The following BDH2 variants were observed in gnomAD, a reference collection of about 807,000 sequenced individuals.
BDH2 encodes the protein 3-hydroxybutyrate dehydrogenase 2, also known as dehydrogenase/reductase SDR family member 6.
In BDH2, 24 loss-of-function variants were observed where a neutral mutation model predicts 33.2. The ratio of observed to expected loss-of-function variants is 0.72; its 90% confidence interval spans 0.52 to 1.02. The LOEUF (loss-of-function observed/expected upper bound fraction) is 1.02, where lower values mean the gene tolerates loss of function less well. Ranked by LOEUF, BDH2 falls within the 50% of genes least tolerant of loss-of-function variation. The probability of loss-of-function intolerance (pLI) is 0.00; values close to 1 mark genes in which losing one functional copy is unlikely to be tolerated. For missense variants in BDH2, 249 were observed against 301.6 expected (o/e 0.83, Z 1.29); for synonymous variants, 81 against 101.6 (o/e 0.80, Z 1.22).
chr4:103,090,744 C>T (rs1247445705), intron 5 of BDH2, among the ~76,000 whole-genome samples: 4 of 152,222 alleles, frequency 2.6e-5, no homozygotes, highest in African/African-American at 4.8e-5. Context: ...TGTCTCACTT[C>T]TTGGACTGCT....
intron 6 of BDH2, 147 bp downstream of exon 6, chr4:103,086,333 G>A: frequency 2.2e-6 from 3 of 1,346,918 alleles, no homozygotes; most frequent in Middle Eastern, 2.1e-4. Flanking sequence ...CTGTGGTTAA[G>A]GAACTTAATA....
At chr4:103,085,047 T>C (rs555968501) in intron 7 of BDH2, among the ~76,000 whole-genome samples, 14 of 152,352 alleles carry the variant, frequency 9.2e-5, no homozygotes, top group African/African-American at 3.4e-4. Context: ...CAGGTAAAAG[T>C]ACATATCAAT....
chr4:103,091,799 C>T (rs755632504), intron 4 of BDH2: 1 of 452,794 alleles, frequency 2.2e-6, no homozygotes, highest in Non-Finnish European at 4.4e-6. Context: ...TATGTGATTC[C>T]TATTTCAAGA....
At chr4:103,091,997 A>C (rs900203607) in intron 4 of BDH2, among the ~76,000 whole-genome samples, 9 of 152,216 alleles carry the variant, frequency 5.9e-5, no homozygotes, top group Non-Finnish European at 1.2e-4. Flanking sequence ...AGTAGCTTTC[A>C]CTATTTTTCA....
chr4:103,096,655 C>T (rs897824356), intron 1 of BDH2, among the ~76,000 whole-genome samples: 4 of 151,650 alleles, frequency 2.6e-5, no homozygotes, highest in African/African-American at 4.9e-5. Context: ...ATTCTCCTGC[C>T]GCAGCCTCCT....
intron 1 of BDH2, chr4:103,099,041 C>T (rs1038803044): frequency 1.3e-5 from 2 of 152,104 alleles, no homozygotes; most frequent in African/African-American, 4.8e-5. Context: ...GAATGTTTAT[C>T]ATTTCAACAT....
At chr4:103,081,937 A>T in intron 9 of BDH2, 144 bp downstream of exon 9, 1 of 607,440 alleles carries the variant, frequency 1.6e-6, no homozygotes, top group Non-Finnish European at 2.8e-6. Flanking sequence ...TGAGCAAATT[A>T]AATGAGAACT....
At chr4:103,096,348 AG>A in intron 1 of BDH2, 74 bp from the exon 2 acceptor site, 2 of 906,664 alleles carry the variant, frequency 2.2e-6, no homozygotes, top group South Asian at 3.2e-5. Context: ...TAGAATGAAT[AG>A]TTCAGTGTGC....
At chr4:103,087,496 C>T (rs1235008746) in intron 5 of BDH2, among the ~76,000 whole-genome samples, 1 of 152,144 alleles carries the variant, frequency 6.6e-6, no homozygotes, top group Non-Finnish European at 1.5e-5. Flanking sequence ...ATGGGCAGGA[C>T]CTTGTAGATG....
At chr4:103,084,587 C>A (rs1223187132) in intron 7 of BDH2, among the ~76,000 whole-genome samples, 1 of 152,216 alleles carries the variant, frequency 6.6e-6, no homozygotes, top group African/African-American at 2.4e-5. Flanking sequence ...CCAAGAATAG[C>A]TAGACTCAAG....
rs1217126932 is a variant in BDH2, at chr4:103,085,625, A to C, written c.419-163T>G. Reference sequence around the variant, plus strand: ...CAGATTTTTTTCCTTCAATAGAGTCAGTTTCTGGATCTAGGGAAATAATAT... The same window carrying C: ...CAGATTTTTTTCCTTCAATAGAGTCCGTTTCTGGATCTAGGGAAATAATAT... On this transcript the variant is annotated intron_variant, in intron 6 of 9. Coordinates refer to ENST00000296424, the MANE Select transcript of BDH2 (RefSeq NM_020139.4). 6.7e-6 allele frequency: 10 copies of C among 1,488,102 alleles called. No individual in the cohort carries two copies. In the South Asian group the frequency reaches 1.1e-4, roughly 17 times the overall value. The allele number at this position is 1,488,102 out of a possible 1,614,324, so 92.2% of individuals were successfully genotyped here. A position where few individuals can be genotyped will look rare whatever the true frequency, so the allele number is the denominator to read the frequency against.
At chr4:103,086,400 G>A in intron 6 of BDH2, 80 bp downstream of exon 6, 1 of 1,524,662 alleles carries the variant, frequency 6.6e-7, no homozygotes, top group Non-Finnish European at 8.8e-7. Flanking sequence ...TATAATCTCT[G>A]CTATGCCTGT....
intron 9 of BDH2, 72 bp from the exon 10 acceptor site, chr4:103,079,827 G>C (rs1747421948): frequency 7.1e-7 from 1 of 1,408,700 alleles, no homozygotes; most frequent in Admixed American, 1.7e-5. Flanking sequence ...AAATTTTCCT[G>C]TGACTAGGAT....
At chr4:103,089,388 A>G (rs147443252) in intron 5 of BDH2, among the ~76,000 whole-genome samples, 136 of 152,352 alleles carry the variant, frequency 8.9e-4, no homozygotes, top group Middle Eastern at 6.8e-3. Flanking sequence ...GTCCAAGACC[A>G]GGATTCGATT....
chr4:103,094,760 A>G (rs1446372680), intron 3 of BDH2, among the ~76,000 whole-genome samples: 1 of 152,078 alleles, frequency 6.6e-6, no homozygotes. Flanking sequence ...AAAATATATT[A>G]TTAAATTAAT....
In BDH2 at chr4:103,078,774, T is replaced by TTATTA. The variant is rs1747366169; in HGVS notation, c.*927_*928insTAATA. Among the ~76,000 whole-genome samples, 1 of 152,148 alleles carries TTATTA rather than the reference T, an allele frequency of 6.6e-6. No homozygotes were observed. The highest frequency in any genetic ancestry group is 2.4e-5 in the African/African-American group (1 of 41,424). On this transcript the variant is annotated 3_prime_UTR_variant, in exon 10 of 10. Transcript: ENST00000296424. ...AATGAAGTGGAAATTATTATTATTATTTAGGTACAGGGTCTTGCTCTGTCA... is the reference window on the plus strand; with the variant it reads ...AATGAAGTGGAAATTATTATTATTATTATTATTAGGTACAGGGTCTTGCTCTGTCA...
chr4:103,085,784 C>T (rs2110700249), intron 6 of BDH2: 1 of 1,319,650 alleles, frequency 7.6e-7, no homozygotes, highest in South Asian at 1.2e-5. Flanking sequence ...AATAACAAAA[C>T]AAAACAATAA....
At chr4:103,085,253 G>T in intron 7 of BDH2, 96 bp downstream of exon 7, 1 of 917,802 alleles carries the variant, frequency 1.1e-6, no homozygotes, top group Non-Finnish European at 1.7e-6. Context: ...CTCTGCCTTT[G>T]TAGCATGAAA....
Position 103,079,444 on chromosome 4 carries a change from A to G in BDH2, c.*258T>C. The G allele has an allele frequency of 1.6e-5, 7 of 435,898 alleles. No homozygotes were observed. The South Asian group carries it at 2.0e-4, about 12-fold the overall frequency. 27.0% of individuals were successfully genotyped at this position (435,898 alleles called of 1,614,324 possible). On this transcript the variant is annotated 3_prime_UTR_variant, in exon 10 of 10. Transcript: ENST00000296424. ...AAGTGACTAAGACAGATGCTAACAA[A>G]TCGAGATTTATTTTAAAAACTATTC...
Sources: allele counts gnomAD v4.1 joint callset (sites outside exome capture counted in the v4.1 genomes callset), GRCh38; gene constraint gnomAD v4.1.1; transcripts MANE v1.5; gene names NCBI Gene and HGNC (gene_info 2026-07-23, HGNC 2026-07-21).